The following CATSPER4 variants were observed in gnomAD, a reference collection of about 807,000 sequenced individuals.
The protein encoded by CATSPER4 is cation channel sperm-associated protein 4.
A neutral mutation model predicts 54.4 loss-of-function variants in CATSPER4; 46 were observed. That is an observed-to-expected ratio of 0.84 (90% CI 0.67 to 1.08). The LOEUF is 1.08. CATSPER4 is among the 50% of genes least tolerant of loss of function. CATSPER4 has a pLI of 0.00. For synonymous variants in CATSPER4, 230 were observed against 231.9 expected (o/e 0.99, Z 0.08); for missense variants, 574 against 612.8 (o/e 0.94, Z 0.67).
At position 26,190,786 on chromosome 1, in the gene CATSPER4, CG is replaced by C; in HGVS notation, c.161del (p.Gly54ValfsTer50). On this transcript the variant is annotated frameshift_variant, in exon 1 of 10. Coordinates refer to ENST00000456354, the MANE Select transcript of CATSPER4 (RefSeq NM_198137.2). LOFTEE classifies it high-confidence loss of function. ...PLQSTIHESY[G>X]RPEEQVLINR... Reference sequence around the variant, plus strand: ...TGCAGAGTACCATTCACGAGTCCTACGGTCGGCCAGAGGAGCAAGTGCTCAT... The same window carrying C: ...TGCAGAGTACCATTCACGAGTCCTACGTCGGCCAGAGGAGCAAGTGCTCAT... The C allele has an allele frequency of 6.2e-7, 1 of 1,613,256 alleles. No individual in the cohort carries two copies. The highest frequency in any genetic ancestry group is 2.2e-5 in the East Asian group (1 of 44,858).
chr1:26,200,318 A>G (rs2124529590), intron 7 of CATSPER4, among the ~76,000 whole-genome samples: 1 of 152,284 alleles, frequency 6.6e-6, no homozygotes, highest in South Asian at 2.1e-4. Flanking sequence ...TACCCACTCT[A>G]AGCCTCAATT....
Position 26,190,742 on chromosome 1 carries a change from AG to A in CATSPER4, c.119del (p.Gly40AlafsTer64). 1.2e-6 allele frequency: 2 copies of A among 1,613,450 alleles called. No individual in the cohort carries two copies. Among genetic ancestry groups the A allele is most frequent in the Non-Finnish European group, 1.7e-6 (2 of 1,179,858 alleles). On this transcript the variant is annotated frameshift_variant, in exon 1 of 10. Coordinates refer to ENST00000456354, the MANE Select transcript of CATSPER4 (RefSeq NM_198137.2). LOFTEE classifies it high-confidence loss of function. ...MGFGGAVAAL[R>X]GRPSPLQSTI... ...GTTTGGAGGGGCAGTAGCTGCACTG[AG>A]GGGCCGCCCCTCTCCCCTGCAGAGT...
At chr1:26,191,636 T>C (rs1028833518) in intron 2 of CATSPER4, among the ~76,000 whole-genome samples, 2 of 152,070 alleles carry the variant, frequency 1.3e-5, no homozygotes, top group Non-Finnish European at 2.9e-5. Context: ...GAGGAATGCA[T>C]TGGATTTGTA....
chr1:26,198,178 G>A, intron 5 of CATSPER4, 101 bp downstream of exon 5: 1 of 1,613,260 alleles, frequency 6.2e-7, no homozygotes, highest in Non-Finnish European at 8.5e-7. Flanking sequence ...AGGCCTGTGG[G>A]CCTGAATCCC....
At chr1:26,193,071 AAAAG>A (rs888897717) in intron 2 of CATSPER4, among the ~76,000 whole-genome samples, 10 of 148,146 alleles carry the variant, frequency 6.8e-5, no homozygotes, top group African/African-American at 2.1e-4. Context: ...ATTAAAAAAA[AAAAG>A]AAAGAAAGGG....
In CATSPER4 at chr1:26,193,659, T is replaced by C. The variant is rs919488495; in HGVS notation, c.358-128T>C. Reference sequence around the variant, plus strand: ...GTGTGTTTTAAAGGAAGTGACAAGGTTGCTGAGGACCAAGAGCAGCAGTGA... The same window carrying C: ...GTGTGTTTTAAAGGAAGTGACAAGGCTGCTGAGGACCAAGAGCAGCAGTGA... On this transcript the variant is annotated intron_variant, in intron 2 of 9. Coordinates refer to ENST00000456354, the MANE Select transcript of CATSPER4 (RefSeq NM_198137.2). The C allele has an allele frequency of 8.1e-6, 6 of 737,996 alleles. No homozygotes were observed. The Admixed American group carries it at 1.1e-4, about 14-fold the overall frequency. The allele number at this position is 737,996 out of a possible 1,614,324, so 45.7% of individuals were successfully genotyped here.
intron 5 of CATSPER4, 42 bp from the exon 6 acceptor site, chr1:26,198,231 TCCTATTTCCAGGC>T: frequency 6.2e-7 from 1 of 1,614,144 alleles, no homozygotes; most frequent in Non-Finnish European, 8.5e-7. Flanking sequence ...CATTTGTGTG[TCCTATTTCCAGGC>T]CCTTTGGTGA....
At chr1:26,195,940 T>TGGAGGGGATAAACATTCAAACTATAGC (rs1206026917) in intron 3 of CATSPER4, among the ~76,000 whole-genome samples, 1 of 152,202 alleles carries the variant, frequency 6.6e-6, no homozygotes, top group Non-Finnish European at 1.5e-5. Flanking sequence ...ACATGAGATT[T>TGGAGGGGATAAACATTCAAACTATAGC]GGAGGGGATA....
intron 3 of CATSPER4, among the ~76,000 whole-genome samples, chr1:26,195,435 C>T (rs560690836): frequency 1.1e-4 from 16 of 151,886 alleles, no homozygotes; most frequent in East Asian, 3.9e-4. Context: ...GATCACATGG[C>T]GAGACAGGAA....
At chr1:26,202,225 C>CA (rs555520811) in intron 9 of CATSPER4, among the ~76,000 whole-genome samples, 126 of 152,292 alleles carry the variant, frequency 8.3e-4, no homozygotes, top group Non-Finnish European at 1.3e-3. Context: ...GTGCACAAAA[C>CA]CAGCTGTCTC....
At chr1:26,196,793 C>T (rs2088943659) in intron 3 of CATSPER4, among the ~76,000 whole-genome samples, 1 of 152,078 alleles carries the variant, frequency 6.6e-6, no homozygotes, top group Non-Finnish European at 1.5e-5. Flanking sequence ...GAAGTGTGAT[C>T]CCTGTTCAGA....
Position 26,198,312 on chromosome 1 carries a change from CTT to C in CATSPER4, c.707_708del (p.Phe236TrpfsTer33). 6.2e-7 allele frequency: 1 copy of C among 1,614,214 alleles called. No individual in the cohort carries two copies. The highest frequency in any genetic ancestry group is 8.5e-7 in the Non-Finnish European group (1 of 1,180,030). ...TTTTTTCCGTGTTTGGAGTAACACT[CTT>C]TGGTGCATTCGTGCCCAAGCATTTC... is the stretch of plus-strand genomic sequence containing the variant. ...LVFSVFGVTL[F>X]GAFVPKHFQN... On this transcript the variant is annotated frameshift_variant, in exon 6 of 10. Transcript: ENST00000456354. LOFTEE classifies it high-confidence loss of function.
At chr1:26,197,225 T>C (rs1162515952) in intron 3 of CATSPER4, among the ~76,000 whole-genome samples, 3 of 152,196 alleles carry the variant, frequency 2.0e-5, no homozygotes, top group Non-Finnish European at 2.9e-5. Flanking sequence ...CCCTTTCTTG[T>C]GCCGTGAGAG....
intron 2 of CATSPER4, among the ~76,000 whole-genome samples, chr1:26,193,041 G>A (rs1178826741): frequency 1.3e-5 from 2 of 151,766 alleles, no homozygotes; most frequent in African/African-American, 2.4e-5. Flanking sequence ...GGCGGAGTTT[G>A]CAGTGAGCTG....
intron 9 of CATSPER4, 62 bp from the exon 10 acceptor site, chr1:26,202,427 G>C: frequency 6.9e-7 from 1 of 1,454,166 alleles, no homozygotes; most frequent in South Asian, 1.2e-5. Context: ...GAGGAGGTGA[G>C]TAACGGAGGC....
rs1362782128 is a variant in CATSPER4, at chr1:26,198,396, G to A, written c.789G>A (p.Trp263Ter). The change falls in exon 6 of 10, where the codon TGG becomes TGA. Residue 263 changes from tryptophan (W) to a stop codon, truncating the protein, a stop_gained. Transcript: ENST00000456354. LOFTEE classifies it high-confidence loss of function. ...TLFICITQDG[W>*]VDIYSDFQTE... ...TCATCTGCATCACCCAGGACGGCTG[G>A]GTGGACATCTACAGTGACTTCCAGT... 1 of 1,614,114 alleles carries A rather than the reference G, an allele frequency of 6.2e-7. No individual in the cohort carries two copies. Among genetic ancestry groups the A allele is most frequent in the Admixed American group, 1.7e-5 (1 of 60,026 alleles).
intron 9 of CATSPER4, chr1:26,201,743 G>A: frequency 2.1e-6 from 1 of 487,108 alleles, no homozygotes; most frequent in Non-Finnish European, 3.6e-6. Flanking sequence ...AGGCTGGAGT[G>A]CAGTGGCGCG....
chr1:26,202,315 T>G (rs2089017127), intron 9 of CATSPER4, among the ~76,000 whole-genome samples, 174 bp from the exon 10 acceptor site: 1 of 152,114 alleles, frequency 6.6e-6, no homozygotes, highest in African/African-American at 2.4e-5. Flanking sequence ...CAGCCTGGGA[T>G]ATACCCTGGG....
Position 26,191,297 on chromosome 1 carries a change from A to ACCT in CATSPER4, c.225_226insCTC (p.Asp75_Met76insLeu). ...CCTGCCCTCTTCCAGGACGCCTGGG[A>ACCT]CATGCAGGAGTTCATCACTCACATG... On this transcript the variant is annotated inframe_insertion, in exon 2 of 10. Coordinates refer to ENST00000456354, the MANE Select transcript of CATSPER4 (RefSeq NM_198137.2). The ACCT allele has an allele frequency of 6.2e-7, 1 of 1,614,076 alleles. No individual in the cohort carries two copies. The highest frequency in any genetic ancestry group is 8.5e-7 in the Non-Finnish European group (1 of 1,180,012).
Sources: allele counts gnomAD v4.1 joint callset (sites outside exome capture counted in the v4.1 genomes callset), GRCh38; gene constraint gnomAD v4.1.1; transcripts MANE v1.5; gene names NCBI Gene and HGNC (gene_info 2026-07-23, HGNC 2026-07-21).